MYBPH: variants seen among roughly 807,000 people sequenced by gnomAD.
MYBPH encodes the protein myosin-binding protein H.
Under a neutral mutation model 53.6 loss-of-function variants are expected in MYBPH, and 49 were observed. The observed-to-expected ratio is 0.91, with a 90% CI of 0.73 to 1.16. MYBPH has a LOEUF of 1.16. Ranked by LOEUF, MYBPH falls within the 50% of genes most tolerant of loss-of-function variation. The pLI is 0.00. For missense variants in MYBPH, 558 were observed against 624.1 expected (o/e 0.89, Z 1.13); for synonymous variants, 239 against 249.6 (o/e 0.96, Z 0.40).
At position 203,168,614 on chromosome 1, in the gene MYBPH, T is replaced by C; in HGVS notation, c.*32+13A>G. On this transcript the variant is annotated intron_variant, in intron 10 of 10. Coordinates refer to ENST00000255416, the MANE Select transcript of MYBPH (RefSeq NM_004997.3). Reference sequence around the variant, plus strand: ...CCACAGAGGTAACAGAGTGGGTGGGTCAGGCCATTTACCTGGCTCCTCATC... The same window carrying C: ...CCACAGAGGTAACAGAGTGGGTGGGCCAGGCCATTTACCTGGCTCCTCATC... The C allele has an allele frequency of 6.4e-7, 1 of 1,551,134 alleles. No homozygotes were observed. The highest frequency in any genetic ancestry group is 8.7e-7 in the Non-Finnish European group (1 of 1,146,764).
At chr1:203,177,955 C>A (rs1391031472), upstream of MYBPH, among the ~76,000 whole-genome samples, 2 of 152,268 alleles carry the variant, frequency 1.3e-5, no homozygotes, top group African/African-American at 4.8e-5. Context: ...AGCATCTGCC[C>A]AGCTCCAGCT....
intron 9 of MYBPH, 39 bp from the exon 10 acceptor site, chr1:203,168,714 C>T (rs370013605): frequency 2.3e-5 from 36 of 1,575,794 alleles, no homozygotes; most frequent in Non-Finnish European, 2.9e-5. Context: ...GGGGAAGTGG[C>T]GGGGAACTGG....
At chr1:203,175,247 C>A in intron 2 of MYBPH, 80 bp downstream of exon 2, 1 of 1,479,334 alleles carries the variant, frequency 6.8e-7, no homozygotes, top group Non-Finnish European at 9.0e-7. Context: ...ACTGACCAAC[C>A]ACAGGGCCTG....
chr1:203,172,130 T>C, intron 3 of MYBPH, 90 bp from the exon 4 acceptor site: 1 of 796,578 alleles, frequency 1.3e-6, no homozygotes, highest in African/African-American at 1.8e-5. Flanking sequence ...TGGTGAGGGA[T>C]GCTGGCTGGG....
Position 203,171,025 on chromosome 1 carries a change from C to T in MYBPH, c.933+36G>A, listed in dbSNP as rs762741392. On this transcript the variant is annotated intron_variant, in intron 6 of 10. Transcript: ENST00000255416. The surrounding 1 kb of genome is among the most constrained non-coding windows in gnomAD (Gnocchi z 4.2). ...GCCTTCCCCACCACCTTGACCACTT[C>T]GTACCCCGACCCCACTTTGCCTCAG... The T allele has an allele frequency of 1.6e-5, 25 of 1,549,632 alleles. No homozygotes were observed. The East Asian group carries it at 3.2e-4, about 20-fold the overall frequency.
chr1:203,177,280 G>A (rs1655830060), upstream of MYBPH, among the ~76,000 whole-genome samples: 1 of 152,254 alleles, frequency 6.6e-6, no homozygotes, highest in Non-Finnish European at 1.5e-5. Flanking sequence ...GGGTGCTAAT[G>A]AGGTTTCCTT....
In MYBPH at chr1:203,171,312, A is replaced by G. The variant is rs1269474886; in HGVS notation, c.793+71T>C. The G allele has an allele frequency of 5.1e-6, 8 of 1,565,818 alleles. No individual in the cohort carries two copies. Among genetic ancestry groups the G allele is most frequent in the South Asian group, 2.4e-5 (2 of 83,068 alleles). On this transcript the variant is annotated intron_variant, in intron 5 of 10. Transcript: ENST00000255416. The surrounding 1 kb of genome is among the most constrained non-coding windows in gnomAD (Gnocchi z 4.2). Reference sequence around the variant, plus strand: ...CTCCCTTGGCCTGCTCCCATCAGCCATCAGCTCTGGGATAGGAGGTTGGGG... The same window carrying G: ...CTCCCTTGGCCTGCTCCCATCAGCCGTCAGCTCTGGGATAGGAGGTTGGGG...
At chr1:203,170,552 C>A in intron 6 of MYBPH, 102 bp from the exon 7 acceptor site, 1 of 1,448,328 alleles carries the variant, frequency 6.9e-7, no homozygotes, top group Non-Finnish European at 9.3e-7. Context: ...ATGCCCCCAA[C>A]CTTAGGATGC....
At chr1:203,169,134 G>C (rs745626222) in intron 8 of MYBPH, 42 bp from the exon 9 acceptor site, 1 of 1,604,258 alleles carries the variant, frequency 6.2e-7, no homozygotes, top group Non-Finnish European at 8.5e-7. Flanking sequence ...GGTATGGACT[G>C]GGGCGGGGCT....
In MYBPH at chr1:203,171,390, C is replaced by T. The variant is rs746235832; in HGVS notation, c.786G>A (p.Leu262=). 13 of 1,612,540 alleles carry T rather than the reference C, an allele frequency of 8.1e-6. No homozygotes were observed. The Admixed American group carries it at 2.2e-4, about 27-fold the overall frequency. ...GTTCCCCTGGCTCCATACCAATCAC[C>T]AGGATGTCAATGACTGCCTTGGCCT... The part of the protein sequence containing the change: ...DLEAKAVIDI[L]VIEKPGPPSS... Residue 262 remains leucine, a synonymous_variant, in exon 5 of 11, where the codon CTG becomes CTA. Transcript: ENST00000255416. This position sits in a 1 kb window ranked among gnomAD's most constrained non-coding sequence, Gnocchi z 4.2.
chr1:203,175,707 T>G lies in MYBPH; in HGVS notation c.49A>C (p.Thr17Pro), dbSNP rs1464555977. The change falls in exon 1 of 11, where the codon ACC becomes CCC. Residue 17 changes from threonine (T) to proline (P), a missense_variant. Physicochemically the swap from Thr to Pro is conservative, Grantham distance 38. Coordinates refer to ENST00000255416, the MANE Select transcript of MYBPH (RefSeq NM_004997.3). ...GGCACCTTGGCAGATTCAGATGCGG[T>G]CTCCTCTGGACTGCAGGCAGGGCCC... ...SEGPACSPEE[T>P]ASESAKVPTA... 1 of 1,614,020 alleles carries G rather than the reference T, an allele frequency of 6.2e-7. No individual in the cohort carries two copies. The highest frequency in any genetic ancestry group is 8.5e-7 in the Non-Finnish European group (1 of 1,179,980).
chr1:203,176,178 C>T (rs1409170897), upstream of MYBPH, among the ~76,000 whole-genome samples: 2 of 152,188 alleles, frequency 1.3e-5, no homozygotes, highest in Non-Finnish European at 2.9e-5. Context: ...GTCTATGGGG[C>T]CACTTGTTCC....
At chr1:203,175,255 C>T (rs1265832139) in intron 2 of MYBPH, 72 bp downstream of exon 2, 2 of 1,494,006 alleles carry the variant, frequency 1.3e-6, no homozygotes, top group East Asian at 2.3e-5. Context: ...ACCACAGGGC[C>T]TGTGCACTTG....
chr1:203,174,785 T>C (rs1455771074), intron 2 of MYBPH, among the ~76,000 whole-genome samples, 188 bp from the exon 3 acceptor site: 1 of 152,090 alleles, frequency 6.6e-6, no homozygotes, highest in Non-Finnish European at 1.5e-5. Context: ...AGCCCTGAAA[T>C]TGTGGCTAGA....
chr1:203,174,330 G>A (rs1655756208), intron 3 of MYBPH, 100 bp downstream of exon 3: 2 of 1,486,298 alleles, frequency 1.3e-6, no homozygotes, highest in East Asian at 4.7e-5. Flanking sequence ...TGGGACGGGG[G>A]AAATGACTGC....
Position 203,175,708 on chromosome 1 carries a change from C to G in MYBPH, c.48G>C (p.Glu16Asp), listed in dbSNP as rs754348053. The G allele has an allele frequency of 9.3e-6, 15 of 1,613,956 alleles. No individual in the cohort carries two copies. The highest frequency in any genetic ancestry group is 1.1e-5 in the Non-Finnish European group (13 of 1,180,006). The change falls in exon 1 of 11, where the codon GAG (glutamate) becomes GAC (aspartate). Residue 16 changes from glutamate to aspartate, a missense_variant. By Grantham distance (45) the Glu-to-Asp change is conservative. Coordinates refer to ENST00000255416, the MANE Select transcript of MYBPH (RefSeq NM_004997.3). Reference protein sequence around the residue: ...TSEGPACSPEETASESAKVPT... With the variant: ...TSEGPACSPEDTASESAKVPT... The stretch of plus-strand genomic sequence containing the variant: ...GCACCTTGGCAGATTCAGATGCGGT[C>G]TCCTCTGGACTGCAGGCAGGGCCCT...
At chr1:203,168,749 T>C in intron 9 of MYBPH, 74 bp from the exon 10 acceptor site, 2 of 1,605,490 alleles carry the variant, frequency 1.2e-6, no homozygotes, top group South Asian at 2.2e-5. Flanking sequence ...TACACCCTCT[T>C]CTACACCTGT....
chr1:203,175,723 G>C lies in MYBPH; in HGVS notation c.33C>G (p.Ala11=), dbSNP rs1313189239. The change falls in exon 1 of 11, where the codon GCC becomes GCG. Residue 11 remains alanine (A), a synonymous_variant. Coordinates refer to ENST00000255416, the MANE Select transcript of MYBPH (RefSeq NM_004997.3). ...CAGATGCGGTCTCCTCTGGACTGCA[G>C]GCAGGGCCCTCGGAGGTGTTTTTTT... is the stretch of plus-strand genomic sequence containing the variant. The part of the protein sequence containing the change: MMEKNTSEGP[A]CSPEETASES... 4 of 1,614,110 alleles carry C rather than the reference G, an allele frequency of 2.5e-6. No individual in the cohort carries two copies. The highest frequency in any genetic ancestry group is 2.2e-5 in the South Asian group (2 of 91,082).
chr1:203,179,040 G>C (rs114943381), upstream of MYBPH: 1 of 162,460 alleles, frequency 6.2e-6, no homozygotes, highest in Non-Finnish European at 1.3e-5. Flanking sequence ...GGCTTTGCAG[G>C]GGGTATAATT....
Sources: allele counts gnomAD v4.1 joint callset (sites outside exome capture counted in the v4.1 genomes callset), GRCh38; gene constraint gnomAD v4.1.1; non-coding constraint Gnocchi (gnomAD v3.1); transcripts MANE v1.5; gene names NCBI Gene and HGNC (gene_info 2026-07-23, HGNC 2026-07-21).